The following ATR variants were observed in gnomAD, a reference collection of about 807,000 sequenced individuals.
The protein encoded by ATR is ATR checkpoint kinase.
Under a neutral mutation model 305.3 loss-of-function variants are expected in ATR, and 142 were observed. The observed-to-expected ratio is 0.47, with a 90% CI of 0.41 to 0.53. ATR has a LOEUF of 0.53. Among genes scored for constraint, ATR ranks in the 20% least tolerant of loss-of-function variants. The pLI is 0.00. For synonymous variants in ATR, 1,050 were observed against 1,068.1 expected (o/e 0.98, Z 0.33); for missense variants, 2,135 against 3,133.1 (o/e 0.68, Z 7.60).
chr3:142,548,643 T>C (rs2034357534), intron 15 of ATR, among the ~76,000 whole-genome samples: 2 of 146,506 alleles, frequency 1.4e-5, no homozygotes, highest in African/African-American at 5.1e-5. Context: ...CACTCCAGCC[T>C]GGGCTACAGA....
chr3:142,505,787 C>G (rs186324444), intron 28 of ATR, among the ~76,000 whole-genome samples: 43 of 152,198 alleles, frequency 2.8e-4, no homozygotes, highest in Non-Finnish European at 4.9e-4. Context: ...GACAGTCTCT[C>G]ACAACATGAG....
chr3:142,452,446 G>C, intron 46 of ATR: 2 of 963,630 alleles, frequency 2.1e-6, no homozygotes, highest in South Asian at 4.8e-5. Context: ...ATGCTGAGGT[G>C]GGTGGATCAC....
chr3:142,555,755 A>G, intron 10 of ATR, 122 bp downstream of exon 10: 1 of 1,213,252 alleles, frequency 8.2e-7, no homozygotes, highest in Non-Finnish European at 1.1e-6. Context: ...AATACTGAGC[A>G]CTGAATCTAT....
intron 46 of ATR, chr3:142,452,864 G>A: frequency 7.7e-7 from 1 of 1,301,996 alleles, no homozygotes; most frequent in Non-Finnish European, 9.8e-7. Flanking sequence ...TTTTCCTACT[G>A]TATCTCATAA....
intron 46 of ATR, chr3:142,451,509 A>G: frequency 1.4e-6 from 2 of 1,428,910 alleles, no homozygotes; most frequent in South Asian, 1.2e-5. Context: ...CTGGACCCAT[A>G]GAAACAGAAA....
chr3:142,503,662 C>G (rs1274533405), intron 29 of ATR, among the ~76,000 whole-genome samples: 1 of 152,092 alleles, frequency 6.6e-6, no homozygotes, highest in Non-Finnish European at 1.5e-5. Flanking sequence ...AGTGATCCTC[C>G]TGCCTCAGCC....
chr3:142,457,643 G>A lies in ATR; in HGVS notation c.7616C>T (p.Thr2539Ile). Reference protein sequence around the residue: ...EGLFRRACEVTMRLMRDQREP... With the variant: ...EGLFRRACEVIMRLMRDQREP... ...TCGCTGATCACGCATCAGCCTCATT[G>A]TAACTTCACATGCTCTTCGAAAAAG... The change falls in exon 45 of 47, where the codon ACA becomes ATA. Residue 2539 changes from threonine (T) to isoleucine (I), a missense_variant. By Grantham distance (89) the Thr-to-Ile change is moderately conservative. This residue lies in a region of ATR where 462 missense variants were observed against 887.6 expected (regional missense o/e 0.52). Transcript: ENST00000350721. 6.2e-7 allele frequency: 1 copy of A among 1,614,048 alleles called. No individual in the cohort carries two copies. Among genetic ancestry groups the A allele is most frequent in the Non-Finnish European group, 8.5e-7 (1 of 1,179,962 alleles).
At chr3:142,456,277 T>A (rs146285951) in intron 45 of ATR, among the ~76,000 whole-genome samples, 191 of 151,458 alleles carry the variant, frequency 1.3e-3, no homozygotes, top group Admixed American at 2.2e-3. Context: ...CTCTTGCAAC[T>A]CAAGAATAGG....
intron 8 of ATR, among the ~76,000 whole-genome samples, chr3:142,557,674 C>T (rs1409080707): frequency 6.6e-6 from 1 of 152,156 alleles, no homozygotes; most frequent in East Asian, 1.9e-4. Flanking sequence ...CTCTAATAGC[C>T]CAGGCTGGAG....
chr3:142,545,110 T>C (rs1481631029), intron 16 of ATR, among the ~76,000 whole-genome samples: 2 of 152,214 alleles, frequency 1.3e-5, no homozygotes, highest in Non-Finnish European at 2.9e-5. Context: ...CAAATACTTA[T>C]TATGTATGCC....
chr3:142,550,038 A>G, intron 14 of ATR, 94 bp downstream of exon 14: 1 of 1,490,100 alleles, frequency 6.7e-7, no homozygotes, highest in South Asian at 1.2e-5. Context: ...GTTTTACAGC[A>G]TAAGCAATAA....
rs2033202483 is a variant in ATR at position 142,522,806 on chromosome 3, T to C, written c.4188A>G (p.Leu1396=). The C allele has an allele frequency of 1.2e-6, 2 of 1,612,828 alleles. No individual in the cohort carries two copies. The highest frequency in any genetic ancestry group is 1.7e-5 in the Admixed American group (1 of 59,904). Residue 1396 remains leucine (L), a synonymous_variant, in exon 23 of 47, where the codon TTA becomes TTG. Coordinates refer to ENST00000350721, the MANE Select transcript of ATR (RefSeq NM_001184.4). ...GGTAAGCTCTTGTTAGCTCCATCAA[T>C]AATCCATAGGCAAAGCTTGAATCTT... The part of the protein sequence containing the change: ...GVEDSSFAYG[L]LMELTRAYLA...
intron 1 of ATR, among the ~76,000 whole-genome samples, chr3:142,572,568 T>G (rs367987307): frequency 1.7e-4 from 26 of 151,430 alleles, no homozygotes; most frequent in African/African-American, 6.1e-4. Flanking sequence ...AGCTCAGGAG[T>G]TTGAGACCAG....
At chr3:142,484,121 C>T (rs1672483113) in intron 36 of ATR, among the ~76,000 whole-genome samples, 3 of 152,122 alleles carry the variant, frequency 2.0e-5, no homozygotes, top group Admixed American at 2.0e-4. Flanking sequence ...TCTCTATGAG[C>T]TTCTCCTGTC....
At chr3:142,543,026 T>A (rs1247473520) in intron 16 of ATR, among the ~76,000 whole-genome samples, 2 of 152,192 alleles carry the variant, frequency 1.3e-5, no homozygotes, top group Non-Finnish European at 2.9e-5. Flanking sequence ...ATGAGTTTTT[T>A]AATCATGGAG....
rs1375852851 is a variant in ATR, at chr3:142,535,068, A to G, written c.3945+12T>C. 7.5e-6 allele frequency: 12 copies of G among 1,607,082 alleles called. No individual in the cohort carries two copies. Among genetic ancestry groups the G allele is most frequent in the Non-Finnish European group, 6.0e-6 (7 of 1,174,706 alleles). ...TTTGTTATACATTTTTAATTATATC[A>G]TATTAGCATACCTGATTTTTATACA... On this transcript the variant is annotated intron_variant, in intron 21 of 46. Transcript: ENST00000350721.
At chr3:142,508,731 G>A (rs994308078) in intron 27 of ATR, among the ~76,000 whole-genome samples, 8 of 151,928 alleles carry the variant, frequency 5.3e-5, no homozygotes, top group East Asian at 1.9e-4. Context: ...AGACCATCCC[G>A]GCTAACACGG....
At chr3:142,492,240 T>C (rs1309728118) in intron 35 of ATR, among the ~76,000 whole-genome samples, 2 of 152,240 alleles carry the variant, frequency 1.3e-5, no homozygotes, top group South Asian at 2.1e-4. Flanking sequence ...CTCCATATTA[T>C]GCAATGAGGC....
intron 35 of ATR, 37 bp from the exon 36 acceptor site, chr3:142,485,319 T>G: frequency 2.5e-6 from 4 of 1,611,068 alleles, no homozygotes; most frequent in Non-Finnish European, 3.4e-6. Context: ...CCTAAGGAAA[T>G]CCCACGCTAT....
Sources: gnomAD v4.1 joint callset for allele counts (sites outside exome capture counted in the v4.1 genomes callset) on GRCh38, gnomAD v4.1.1 for gene constraint, gnomAD v4.1.1 regional missense constraint, MANE v1.5 for transcripts, NCBI Gene and HGNC (gene_info 2026-07-23, HGNC 2026-07-21) for gene names.